Variants in MDFIC2 observed in about 807,000 individuals in gnomAD.
The protein encoded by MDFIC2 is myoD family inhibitor domain-containing protein 2.
chr3:70,217,241 A>G (rs1701421502), intron 2 of MDFIC2, among the ~76,000 whole-genome samples: 1 of 152,136 alleles, frequency 6.6e-6, no homozygotes, highest in South Asian at 2.1e-4. Flanking sequence ...TACATGGTGA[A>G]TCATAAGCTA....
intron 2 of MDFIC2, among the ~76,000 whole-genome samples, chr3:70,220,680 C>T (rs1201635003): frequency 6.6e-6 from 1 of 152,120 alleles, no homozygotes; most frequent in Non-Finnish European, 1.5e-5. Context: ...AAACCTTCAA[C>T]AATTAATTTT....
At chr3:70,283,719 T>C (rs913205184) in intron 2 of MDFIC2, 1 of 151,412 alleles carries the variant, frequency 6.6e-6, no homozygotes, top group Non-Finnish European at 1.5e-5. Flanking sequence ...CAAGTTAGAA[T>C]CTTGATTTCA....
Position 70,197,166 on chromosome 3 carries a change from G to A in MDFIC2, c.330C>T (p.Ile110=), listed in dbSNP as rs935969489. Residue 110 remains isoleucine (I), a synonymous_variant, in exon 4 of 4, where the codon ATC becomes ATT. Coordinates refer to ENST00000567252, the MANE Select transcript of MDFIC2 (RefSeq NM_001364677.1). ...AAAACTGGCAAAACAGACAGGCGAG[G>A]ATAAGGGAGGCACACTCCTCTGTTT... ...RDTDEECASL[I]LACLFCQFWD... The A allele has an allele frequency of 7.5e-6, 3 of 398,278 alleles. No homozygotes were observed. The highest frequency in any genetic ancestry group is 6.2e-5 in the African/African-American group (3 of 48,520). 24.7% of individuals were successfully genotyped at this position (398,278 alleles called of 1,614,324 possible). A position where few individuals can be genotyped will look rare whatever the true frequency, so the allele number is the denominator to read the frequency against.
intron 3 of MDFIC2, among the ~76,000 whole-genome samples, chr3:70,201,071 T>C (rs1701233074): frequency 6.6e-6 from 1 of 152,140 alleles, no homozygotes; most frequent in Non-Finnish European, 1.5e-5. Context: ...TTTATTAAGT[T>C]CAGGGGTCAT....
intron 2 of MDFIC2, among the ~76,000 whole-genome samples, chr3:70,238,556 G>A (rs1046250116): frequency 6.6e-6 from 1 of 151,882 alleles, no homozygotes; most frequent in Admixed American, 6.6e-5. Context: ...AGGCTGCAAT[G>A]AGCCATGATC....
chr3:70,250,503 T>C (rs555696299), intron 2 of MDFIC2, among the ~76,000 whole-genome samples: 1 of 152,042 alleles, frequency 6.6e-6, no homozygotes, highest in East Asian at 1.9e-4. Context: ...CTCCAGGACA[T>C]TTCTTTGAGC....
chr3:70,289,878 A>G (rs1176391828), intron 2 of MDFIC2, among the ~76,000 whole-genome samples: 2 of 151,570 alleles, frequency 1.3e-5, no homozygotes, highest in Non-Finnish European at 2.9e-5. Context: ...TGCATTCTTC[A>G]CGTAGTTCTC....
At chr3:70,278,535 A>C (rs1224306437) in intron 2 of MDFIC2, among the ~76,000 whole-genome samples, 1 of 152,238 alleles carries the variant, frequency 6.6e-6, no homozygotes, top group African/African-American at 2.4e-5. Flanking sequence ...ATGAGAGTTC[A>C]GTCACTCTGT....
intron 3 of MDFIC2, among the ~76,000 whole-genome samples, chr3:70,200,320 A>C (rs1326755014): frequency 6.6e-6 from 1 of 152,146 alleles, no homozygotes; most frequent in Non-Finnish European, 1.5e-5. Context: ...AAAGTGCCAA[A>C]TCCTTGCCTT....
chr3:70,290,602 C>G (rs575090871), intron 2 of MDFIC2, among the ~76,000 whole-genome samples: 4 of 152,320 alleles, frequency 2.6e-5, no homozygotes, highest in South Asian at 2.1e-4. Context: ...TTCGAGTTTC[C>G]GGGCTGTTTT....
chr3:70,233,695 A>G (rs1305305151), intron 2 of MDFIC2, among the ~76,000 whole-genome samples: 1 of 152,130 alleles, frequency 6.6e-6, no homozygotes, highest in African/African-American at 2.4e-5. Context: ...CATTCTTCTT[A>G]CTACAGATTG....
chr3:70,215,744 C>G (rs1307606130), intron 2 of MDFIC2, among the ~76,000 whole-genome samples: 1 of 152,086 alleles, frequency 6.6e-6, no homozygotes, highest in Non-Finnish European at 1.5e-5. Flanking sequence ...TTCTCAGAAC[C>G]TAGCATGGTG....
At chr3:70,246,099 A>G (rs1701705920) in intron 2 of MDFIC2, among the ~76,000 whole-genome samples, 1 of 150,888 alleles carries the variant, frequency 6.6e-6, no homozygotes, top group Admixed American at 6.6e-5. Flanking sequence ...TACACACCAT[A>G]AAAAAAAACC....
intron 3 of MDFIC2, among the ~76,000 whole-genome samples, chr3:70,199,993 G>T (rs115114683): frequency 0.014 from 2,174 of 152,200 alleles, 65 homozygotes; most frequent in African/African-American, 0.049. Context: ...TTTATGGATG[G>T]CTTCTGAACA....
At chr3:70,247,548 A>T (rs769579363) in intron 2 of MDFIC2, among the ~76,000 whole-genome samples, 3 of 151,796 alleles carry the variant, frequency 2.0e-5, no homozygotes, top group African/African-American at 7.2e-5. Flanking sequence ...TATTATACCA[A>T]TTTTTTGATC....
chr3:70,269,696 A>T (rs1432086310), intron 2 of MDFIC2, among the ~76,000 whole-genome samples: 1 of 152,098 alleles, frequency 6.6e-6, no homozygotes, highest in African/African-American at 2.4e-5. Flanking sequence ...TATTTAATAT[A>T]GTGGCAAAAA....
chr3:70,235,562 T>A (rs1277041937), intron 2 of MDFIC2, among the ~76,000 whole-genome samples: 1 of 152,162 alleles, frequency 6.6e-6, no homozygotes, highest in East Asian at 1.9e-4. Flanking sequence ...CCTTGACACA[T>A]GGTCAGTCAG....
At chr3:70,244,239 A>T (rs1701685032) in intron 2 of MDFIC2, among the ~76,000 whole-genome samples, 1 of 152,192 alleles carries the variant, frequency 6.6e-6, no homozygotes, top group African/African-American at 2.4e-5. Context: ...CCAGTAAGGA[A>T]CTAATGTTTA....
At chr3:70,213,312 T>C (rs1321008846) in intron 2 of MDFIC2, among the ~76,000 whole-genome samples, 1 of 152,110 alleles carries the variant, frequency 6.6e-6, no homozygotes, top group Admixed American at 6.6e-5. Flanking sequence ...TGTTGCTAAG[T>C]TTTTCTTGTG....
Sources: allele counts gnomAD v4.1 joint callset (sites outside exome capture counted in the v4.1 genomes callset), GRCh38; gene constraint gnomAD v4.1.1; transcripts MANE v1.5; gene names NCBI Gene and HGNC (gene_info 2026-07-23, HGNC 2026-07-21).